CARMIL1: variants seen among roughly 807,000 people sequenced by gnomAD.
CARMIL1 encodes the protein capping protein regulator and myosin 1 linker 1, also known as F-actin-uncapping protein LRRC16A.
Under a neutral mutation model 177.1 loss-of-function variants are expected in CARMIL1, and 90 were observed. That is an observed-to-expected ratio of 0.51 (90% CI 0.43 to 0.61). The LOEUF (loss-of-function observed/expected upper bound fraction) is 0.61. Ranked by LOEUF, CARMIL1 falls within the 20% of genes least tolerant of loss-of-function variation. CARMIL1 has a pLI of 0.00. For missense variants in CARMIL1, 1,380 were observed against 1,667.0 expected, an observed-to-expected ratio of 0.83 and a Z score of 3.00; for synonymous variants, 577 against 606.2, an observed-to-expected ratio of 0.95 and a Z score of 0.71.
chr6:25,381,595 G>A (rs1205761350), intron 2 of CARMIL1, among the ~76,000 whole-genome samples: 2 of 152,166 alleles, frequency 1.3e-5, no homozygotes, highest in African/African-American at 4.8e-5. Context: ...AACTCACGAA[G>A]TCACTTTACT....
intron 5 of CARMIL1, among the ~76,000 whole-genome samples, chr6:25,446,078 T>C (rs1394922517): frequency 6.6e-6 from 1 of 152,162 alleles, no homozygotes; most frequent in Non-Finnish European, 1.5e-5. Context: ...TCTTGTTCTA[T>C]TGTGGAGTGC....
chr6:25,409,231 G>A (rs73387233), intron 2 of CARMIL1, among the ~76,000 whole-genome samples: 20,161 of 152,162 alleles, frequency 0.13, 1,661 homozygotes, highest in East Asian at 0.31. Flanking sequence ...CTGAGACCAG[G>A]AGACTGGGCT....
intron 2 of CARMIL1, among the ~76,000 whole-genome samples, chr6:25,401,636 T>C (rs1793888903): frequency 6.6e-6 from 1 of 152,222 alleles, no homozygotes; most frequent in African/African-American, 2.4e-5. Context: ...AGGGTTAGCC[T>C]GAGTGTTTCA....
At chr6:25,583,534 G>C (rs887441947) in intron 31 of CARMIL1, among the ~76,000 whole-genome samples, 1 of 151,778 alleles carries the variant, frequency 6.6e-6, no homozygotes, top group African/African-American at 2.4e-5. Context: ...CATTGGATAA[G>C]TAGGTGGATA....
chr6:25,590,535 G>A (rs532385301), intron 31 of CARMIL1, among the ~76,000 whole-genome samples: 4 of 151,938 alleles, frequency 2.6e-5, no homozygotes, highest in African/African-American at 9.7e-5. Context: ...CTATTCTCTG[G>A]AACAGTTTAC....
chr6:25,441,316 CAAACATAT>C (rs869211350), intron 5 of CARMIL1, among the ~76,000 whole-genome samples: 8 of 52,830 alleles, frequency 1.5e-4, no homozygotes, highest in African/African-American at 5.5e-4. Context: ...AACAAACAAA[CAAACATAT>C]ATATATATAT....
intron 24 of CARMIL1, among the ~76,000 whole-genome samples, chr6:25,534,030 T>G (rs1808033542): frequency 6.6e-6 from 1 of 152,148 alleles, no homozygotes; most frequent in African/African-American, 2.4e-5. Context: ...CACTAAACCC[T>G]GTCCAGTGGC....
At chr6:25,593,639 C>G (rs191313927) in intron 31 of CARMIL1, among the ~76,000 whole-genome samples, 460 of 152,346 alleles carry the variant, frequency 3.0e-3, no homozygotes, top group Middle Eastern at 6.8e-3. Context: ...GTGCTTTCCC[C>G]TTTCTGCTTT....
At chr6:25,381,196 C>T (rs535029684) in intron 2 of CARMIL1, among the ~76,000 whole-genome samples, 1 of 152,278 alleles carries the variant, frequency 6.6e-6, no homozygotes, top group African/African-American at 2.4e-5. Context: ...CACCAAATTG[C>T]AGAAGGTTAT....
At chr6:25,464,793 A>C (rs1800448112) in intron 8 of CARMIL1, among the ~76,000 whole-genome samples, 1 of 152,232 alleles carries the variant, frequency 6.6e-6, no homozygotes. Flanking sequence ...GAGGATGTGT[A>C]ATAGTGGCAT....
intron 27 of CARMIL1, among the ~76,000 whole-genome samples, chr6:25,552,902 AT>A (rs1387928837): frequency 6.6e-6 from 1 of 152,172 alleles, no homozygotes; most frequent in Non-Finnish European, 1.5e-5. Context: ...AATAACCTGT[AT>A]TTTTAATATG....
chr6:25,488,489 C>T lies in CARMIL1; in HGVS notation c.969C>T (p.Asn323=), dbSNP rs1363115907. The T allele has an allele frequency of 2.5e-6, 4 of 1,613,612 alleles. No individual in the cohort carries two copies. In the African/African-American group the frequency reaches 4.0e-5, roughly 16 times the overall value. ...ATTTTCTTGATGTTGCAGGGGTGAACAGCCTTTCTCAGTCACTCAGTGCCA... is the reference window on the plus strand; with the variant it reads ...ATTTTCTTGATGTTGCAGGGGTGAATAGCCTTTCTCAGTCACTCAGTGCCA... ...SKTSLSPKGV[N]SLSQSLSANP... The change falls in exon 13 of 37, where the codon AAC becomes AAT. Residue 323 remains asparagine, a synonymous_variant. Coordinates refer to ENST00000329474, the MANE Select transcript of CARMIL1 (RefSeq NM_017640.6).
rs150560383 is a variant in CARMIL1 at position 25,284,831 on chromosome 6, T to C, written c.60T>C (p.Ile20=). The change falls in exon 2 of 37, where the codon ATT becomes ATC. Residue 20 remains isoleucine (I), a synonymous_variant. Transcript: ENST00000329474. ...RELIESIKDV[I]GRKIKISVKK... ...TTTCAGAAAGCATAAAGGATGTTAT[T>C]GGCAGAAAGATAAAAATTTCAGTGA... The C allele has an allele frequency of 6.4e-7, 1 of 1,557,866 alleles. No individual in the cohort carries two copies. Among genetic ancestry groups the C allele is most frequent in the African/African-American group, 1.4e-5 (1 of 73,500 alleles).
At chr6:25,378,809 T>C (rs907487160) in intron 2 of CARMIL1, among the ~76,000 whole-genome samples, 3 of 150,682 alleles carry the variant, frequency 2.0e-5, no homozygotes, top group African/African-American at 7.4e-5. Flanking sequence ...AAATTCACAG[T>C]GTGAATCTCT....
At chr6:25,408,807 G>A (rs1266727337) in intron 2 of CARMIL1, among the ~76,000 whole-genome samples, 1 of 147,466 alleles carries the variant, frequency 6.8e-6, no homozygotes, top group African/African-American at 2.5e-5. Flanking sequence ...GTGAGACCCT[G>A]TCTCTACATA....
At chr6:25,546,122 C>T (rs1809435431) in intron 26 of CARMIL1, among the ~76,000 whole-genome samples, 1 of 151,878 alleles carries the variant, frequency 6.6e-6, no homozygotes, top group South Asian at 2.1e-4. Flanking sequence ...CCTATTTTTT[C>T]CAATTTTTTG....
At chr6:25,320,718 T>C (rs908915931) in intron 2 of CARMIL1, among the ~76,000 whole-genome samples, 6 of 152,198 alleles carry the variant, frequency 3.9e-5, no homozygotes, top group Non-Finnish European at 7.3e-5. Flanking sequence ...CCAGTTGCTC[T>C]GGAGTGCAGG....
chr6:25,478,384 T>A (rs1468639980), intron 11 of CARMIL1, among the ~76,000 whole-genome samples: 1 of 152,206 alleles, frequency 6.6e-6, no homozygotes, highest in African/African-American at 2.4e-5. Context: ...ACCTTCTCTG[T>A]ACCTCAGCTT....
chr6:25,597,980 CTTTT>C (rs984399923), intron 32 of CARMIL1, among the ~76,000 whole-genome samples: 2 of 152,078 alleles, frequency 1.3e-5, no homozygotes, highest in African/African-American at 4.8e-5. Flanking sequence ...TTGAGTCTTT[CTTTT>C]GTTTCTGACT....
Sources: gnomAD v4.1 joint callset for allele counts (sites outside exome capture counted in the v4.1 genomes callset) on GRCh38, gnomAD v4.1.1 for gene constraint, MANE v1.5 for transcripts, NCBI Gene and HGNC (gene_info 2026-07-23, HGNC 2026-07-21) for gene names.